Variants in NBEA observed in about 807,000 individuals in gnomAD.
The protein encoded by NBEA is lysosomal-trafficking regulator 2.
Under a neutral mutation model 343.4 loss-of-function variants are expected in NBEA, and 44 were observed. That is an observed-to-expected ratio of 0.13 (90% CI 0.10 to 0.16). The LOEUF (loss-of-function observed/expected upper bound fraction) is 0.16, where lower values mean the gene tolerates loss of function less well. Among genes scored for constraint, NBEA ranks in the 10% least tolerant of loss-of-function variants. The pLI, the probability that NBEA is intolerant of heterozygous loss-of-function variation, is 1.00. For missense variants in NBEA, 2,555 were observed against 3,631.3 expected (o/e 0.70, Z 7.62); for synonymous variants, 1,175 against 1,238.7 (o/e 0.95, Z 1.08).
chr13:35,111,093 A>G, intron 13 of NBEA, 115 bp downstream of exon 13: 3 of 842,716 alleles, frequency 3.6e-6, no homozygotes, highest in Non-Finnish European at 4.9e-6. Flanking sequence ...TTTCTTTCTT[A>G]TATAGCAAAC....
chr13:35,610,257 T>A (rs1209453285), intron 48 of NBEA, among the ~76,000 whole-genome samples: 1 of 152,034 alleles, frequency 6.6e-6, no homozygotes, highest in Admixed American at 6.6e-5. Context: ...TCAGGTGTGG[T>A]GACACAGTGT....
At chr13:35,176,964 T>TTATC in intron 27 of NBEA, 32 bp from the exon 28 acceptor site, 1 of 1,352,310 alleles carries the variant, frequency 7.4e-7, no homozygotes, top group Non-Finnish European at 1.0e-6. Flanking sequence ...CTGTAATATA[T>TTATC]TATCTATTCA....
chr13:35,589,207 T>C (rs1179914348), intron 46 of NBEA, among the ~76,000 whole-genome samples: 1 of 152,136 alleles, frequency 6.6e-6, no homozygotes, highest in Non-Finnish European at 1.5e-5. Context: ...AAGATACTTC[T>C]TGGCTCTTGG....
At chr13:35,610,380 T>C (rs1399833834) in intron 48 of NBEA, among the ~76,000 whole-genome samples, 2 of 151,942 alleles carry the variant, frequency 1.3e-5, no homozygotes. Context: ...ATCGCGCCAC[T>C]GCACTCCACC....
At chr13:35,358,254 C>T (rs915213984) in intron 38 of NBEA, among the ~76,000 whole-genome samples, 6 of 150,914 alleles carry the variant, frequency 4.0e-5, no homozygotes, top group Non-Finnish European at 8.9e-5. Flanking sequence ...GAACTCCCGA[C>T]CTCAAGTGAT....
intron 17 of NBEA, among the ~76,000 whole-genome samples, chr13:35,125,701 AT>A (rs771404913): frequency 3.1e-4 from 47 of 152,220 alleles, no homozygotes; most frequent in Non-Finnish European, 4.7e-4. Context: ...GGTGAATCAG[AT>A]AAAAAACATG....
chr13:34,948,894 G>T (rs560756036), intron 1 of NBEA, among the ~76,000 whole-genome samples: 29 of 152,290 alleles, frequency 1.9e-4, no homozygotes, highest in African/African-American at 6.5e-4. Context: ...GAAAGAAAAT[G>T]TAGCCTTTCC....
intron 58 of NBEA, among the ~76,000 whole-genome samples, chr13:35,669,586 T>C (rs1490949287): frequency 6.6e-6 from 1 of 152,194 alleles, no homozygotes; most frequent in African/African-American, 2.4e-5. Flanking sequence ...CTGCAGCCCA[T>C]ACTTAGGAAT....
intron 38 of NBEA, among the ~76,000 whole-genome samples, chr13:35,384,364 A>C (rs1042458128): frequency 6.6e-6 from 1 of 152,104 alleles, no homozygotes; most frequent in Non-Finnish European, 1.5e-5. Flanking sequence ...GAAGTATGTG[A>C]GAGTAATACA....
At chr13:35,140,694 G>C (rs1359904506) in intron 17 of NBEA, among the ~76,000 whole-genome samples, 2 of 152,104 alleles carry the variant, frequency 1.3e-5, no homozygotes, top group Admixed American at 1.3e-4. Flanking sequence ...TGTGGCTCTT[G>C]GAGGCTAATG....
intron 34 of NBEA, among the ~76,000 whole-genome samples, chr13:35,246,921 G>A (rs903721966): frequency 3.3e-5 from 5 of 152,106 alleles, no homozygotes; most frequent in African/African-American, 1.2e-4. Context: ...TGGGGGCAGG[G>A]TTAGGCATTT....
intron 48 of NBEA, among the ~76,000 whole-genome samples, chr13:35,622,104 A>AC (rs568687532): frequency 3.9e-5 from 6 of 152,204 alleles, no homozygotes; most frequent in Non-Finnish European, 5.9e-5. Flanking sequence ...CAAACACTGA[A>AC]CTTGAGTAAG....
At chr13:35,158,232 T>C (rs568263860) in intron 21 of NBEA, among the ~76,000 whole-genome samples, 69 of 152,228 alleles carry the variant, frequency 4.5e-4, no homozygotes, top group African/African-American at 1.5e-3. Context: ...CTTTAAAGGA[T>C]GGTCCCCCCA....
At chr13:35,070,365 AAGTT>A (rs1366240650) in intron 9 of NBEA, among the ~76,000 whole-genome samples, 1 of 152,054 alleles carries the variant, frequency 6.6e-6, no homozygotes, top group Non-Finnish European at 1.5e-5. Context: ...TTAACTGAAT[AAGTT>A]AGTTGTTAGA....
intron 20 of NBEA, 62 bp downstream of exon 20, chr13:35,156,268 A>C (rs1398565826): frequency 2.3e-5 from 32 of 1,415,212 alleles, no homozygotes; most frequent in Non-Finnish European, 2.7e-5. Context: ...TCTCTTTTAG[A>C]TTTTCAATTC....
At chr13:35,211,027 G>T (rs1340969446) in intron 32 of NBEA, 26 bp from the exon 33 acceptor site, 3 of 1,542,364 alleles carry the variant, frequency 1.9e-6, no homozygotes, top group Admixed American at 2.0e-5. Flanking sequence ...TATGTTTAAG[G>T]CTAAAAATTA....
intron 8 of NBEA, among the ~76,000 whole-genome samples, chr13:35,060,712 A>G (rs1274078272): frequency 4.0e-5 from 5 of 126,312 alleles, no homozygotes; most frequent in African/African-American, 1.3e-4. Context: ...TATATTAAAA[A>G]GCTTTTTTTT....
chr13:35,386,674 A>G (rs1307261790), intron 38 of NBEA, among the ~76,000 whole-genome samples: 1 of 152,162 alleles, frequency 6.6e-6, no homozygotes, highest in Non-Finnish European at 1.5e-5. Context: ...GGTTAACTAG[A>G]TTTAACAATT....
At chr13:35,313,120 C>T (rs924928102) in intron 36 of NBEA, among the ~76,000 whole-genome samples, 2 of 152,194 alleles carry the variant, frequency 1.3e-5, no homozygotes, top group Admixed American at 6.5e-5. Context: ...TGGGAATCCT[C>T]TTCTCCCACA....
Sources: gnomAD v4.1 joint callset for allele counts (sites outside exome capture counted in the v4.1 genomes callset) on GRCh38, gnomAD v4.1.1 for gene constraint, MANE v1.5 for transcripts, NCBI Gene and HGNC (gene_info 2026-07-23, HGNC 2026-07-21) for gene names.